Variants in LDLRAD3 observed in about 807,000 individuals in gnomAD.
The protein encoded by LDLRAD3 is low-density lipoprotein receptor class A domain-containing protein 3.
In LDLRAD3, 20 loss-of-function variants were observed where a neutral mutation model predicts 29.4. That is an observed-to-expected ratio of 0.68 (90% CI 0.48 to 0.99). The LOEUF (loss-of-function observed/expected upper bound fraction) is 0.99. Among genes scored for constraint, LDLRAD3 ranks in the 50% least tolerant of loss-of-function variants. LDLRAD3 has a pLI of 0.00. For synonymous variants in LDLRAD3, 157 were observed against 192.7 expected, an observed-to-expected ratio of 0.81 and a Z score of 1.53; for missense variants, 420 against 454.3, an observed-to-expected ratio of 0.92 and a Z score of 0.69.
chr11:36,208,820 G>T (rs933249666), intron 4 of LDLRAD3, among the ~76,000 whole-genome samples: 3 of 152,196 alleles, frequency 2.0e-5, no homozygotes, highest in Non-Finnish European at 2.9e-5. Context: ...CAGGCAGCAG[G>T]CAAAGTCCAT....
intron 1 of LDLRAD3, among the ~76,000 whole-genome samples, chr11:36,029,497 C>G (rs1161371565): frequency 6.6e-6 from 1 of 152,066 alleles, no homozygotes; most frequent in East Asian, 1.9e-4. Context: ...CTTTGGATCT[C>G]ACAAAGGCCG....
At chr11:36,219,866 CTG>C (rs35251497) in intron 4 of LDLRAD3, among the ~76,000 whole-genome samples, 10,073 of 152,132 alleles carry the variant, frequency 0.066, 419 homozygotes, top group East Asian at 0.18. Flanking sequence ...TTTTAAGACA[CTG>C]TAAAGAAAAT....
chr11:36,102,469 T>A (rs746730908), intron 4 of LDLRAD3, among the ~76,000 whole-genome samples: 1 of 151,724 alleles, frequency 6.6e-6, no homozygotes, highest in South Asian at 2.1e-4. Flanking sequence ...TTCTCCACTT[T>A]AGCAACACCA....
chr11:36,229,626 CTT>C lies in LDLRAD3; in HGVS notation c.*230_*231del. 2.2e-6 allele frequency: 1 copy of C among 465,098 alleles called. No homozygotes were observed. The highest frequency in any genetic ancestry group is 5.4e-5 in the South Asian group (1 of 18,680). 28.8% of individuals were successfully genotyped at this position (465,098 alleles called of 1,614,324 possible). A position where few individuals can be genotyped will look rare whatever the true frequency, so the allele number is the denominator to read the frequency against. On this transcript the variant is annotated 3_prime_UTR_variant, in exon 6 of 6. Transcript: ENST00000315571. Reference sequence around the variant, plus strand: ...GTCTTTTCTGTCAGGTCACTCTTCCCTTGGGACCCGAGATCACACCCTCATTT... The same window carrying C: ...GTCTTTTCTGTCAGGTCACTCTTCCCGGGACCCGAGATCACACCCTCATTT...
intron 1 of LDLRAD3, among the ~76,000 whole-genome samples, chr11:36,009,492 C>T (rs371753069): frequency 1.6e-4 from 24 of 152,008 alleles, no homozygotes; most frequent in Admixed American, 1.3e-3. Flanking sequence ...AGTTTCTATC[C>T]GAATAGAAAT....
intron 2 of LDLRAD3, among the ~76,000 whole-genome samples, chr11:36,068,798 G>A (rs1346190651): frequency 1.3e-5 from 2 of 152,180 alleles, no homozygotes; most frequent in Non-Finnish European, 2.9e-5. Flanking sequence ...TTACAGGCGT[G>A]AGCCACCGCG....
At chr11:35,945,248 C>G (rs903891034) in intron 1 of LDLRAD3, among the ~76,000 whole-genome samples, 25 of 152,288 alleles carry the variant, frequency 1.6e-4, no homozygotes, top group African/African-American at 5.8e-4. Flanking sequence ...TGTGGGTTTG[C>G]TAAGTTGAGG....
At chr11:36,165,395 G>A (rs1013127597) in intron 4 of LDLRAD3, among the ~76,000 whole-genome samples, 5 of 150,988 alleles carry the variant, frequency 3.3e-5, no homozygotes, top group Admixed American at 6.6e-5. Context: ...ATAGATTACC[G>A]TAAGATTTAT....
At chr11:36,019,642 C>G (rs140043614) in intron 1 of LDLRAD3, among the ~76,000 whole-genome samples, 1 of 152,202 alleles carries the variant, frequency 6.6e-6, no homozygotes, top group Non-Finnish European at 1.5e-5. Context: ...ACCCTTACCT[C>G]TCCAGTAGTA....
At chr11:36,127,393 G>T (rs1853853498) in intron 4 of LDLRAD3, among the ~76,000 whole-genome samples, 1 of 151,818 alleles carries the variant, frequency 6.6e-6, no homozygotes, top group Non-Finnish European at 1.5e-5. Context: ...AGTACATGCT[G>T]TTTAATCCTG....
chr11:36,178,460 C>T (rs1854710675), intron 4 of LDLRAD3, among the ~76,000 whole-genome samples: 2 of 152,196 alleles, frequency 1.3e-5, no homozygotes, highest in Admixed American at 6.5e-5. Context: ...ATCCTACACT[C>T]AGTGTCATAT....
intron 1 of LDLRAD3, among the ~76,000 whole-genome samples, chr11:36,024,119 C>A (rs963571302): frequency 6.6e-6 from 1 of 152,054 alleles, no homozygotes; most frequent in Admixed American, 6.5e-5. Context: ...CCAGGCTACA[C>A]CCACTCTAGA....
At chr11:36,097,377 C>T (rs756483674) in intron 3 of LDLRAD3, among the ~76,000 whole-genome samples, 37 of 152,180 alleles carry the variant, frequency 2.4e-4, no homozygotes, top group Middle Eastern at 3.2e-3. Context: ...CAGAGAGGTG[C>T]GTCAATCCCT....
chr11:36,209,446 G>T (rs972023457), intron 4 of LDLRAD3, among the ~76,000 whole-genome samples: 3 of 135,526 alleles, frequency 2.2e-5, no homozygotes, highest in Non-Finnish European at 4.6e-5. Context: ...TGCAACCTTC[G>T]CCTCCCGGGT....
At chr11:36,222,432 C>A (rs975726886) in intron 4 of LDLRAD3, among the ~76,000 whole-genome samples, 3 of 152,002 alleles carry the variant, frequency 2.0e-5, no homozygotes, top group African/African-American at 7.2e-5. Flanking sequence ...ATTATTAGCT[C>A]CTCCACCACC....
chr11:36,188,705 G>A (rs573265431), intron 4 of LDLRAD3, among the ~76,000 whole-genome samples: 2 of 152,268 alleles, frequency 1.3e-5, no homozygotes, highest in South Asian at 4.1e-4. Flanking sequence ...GGTAGAACAG[G>A]TCTCTGGAAT....
chr11:35,996,660 A>T (rs904386438), intron 1 of LDLRAD3, among the ~76,000 whole-genome samples: 1 of 152,212 alleles, frequency 6.6e-6, no homozygotes, highest in Non-Finnish European at 1.5e-5. Flanking sequence ...CACAGTTTCT[A>T]TATCGAGTGG....
intron 4 of LDLRAD3, among the ~76,000 whole-genome samples, chr11:36,134,363 A>T (rs1273166299): frequency 2.0e-5 from 3 of 152,222 alleles, no homozygotes. Context: ...AAGCACTTTT[A>T]TCAGTTCCTG....
intron 2 of LDLRAD3, among the ~76,000 whole-genome samples, chr11:36,038,446 C>T (rs1354908000): frequency 6.6e-6 from 1 of 152,232 alleles, no homozygotes; most frequent in East Asian, 1.9e-4. Context: ...GTTAGCTGAC[C>T]TGGGAATGTT....
Sources: gnomAD v4.1 joint callset for allele counts (sites outside exome capture counted in the v4.1 genomes callset) on GRCh38, gnomAD v4.1.1 for gene constraint, MANE v1.5 for transcripts, NCBI Gene and HGNC (gene_info 2026-07-23, HGNC 2026-07-21) for gene names.